The following ALPL variants were observed in gnomAD, a reference collection of about 807,000 sequenced individuals.
The protein encoded by ALPL is alkaline phosphatase, biomineralization associated.
Under a neutral mutation model 51.3 loss-of-function variants are expected in ALPL, and 42 were observed. That is an observed-to-expected ratio of 0.82 (90% confidence interval 0.64 to 1.06). The LOEUF (loss-of-function observed/expected upper bound fraction) is 1.06, where lower values mean the gene tolerates loss of function less well. ALPL is among the 50% of genes least tolerant of loss of function. The pLI is 0.00. For synonymous variants in ALPL, 279 were observed against 296.4 expected (o/e 0.94, Z 0.60); for missense variants, 589 against 709.4 (o/e 0.83, Z 1.93).
intron 6 of ALPL, 74 bp from the exon 7 acceptor site, chr1:21,568,030 G>C: frequency 6.2e-7 from 1 of 1,607,090 alleles, no homozygotes; most frequent in South Asian, 1.1e-5. Context: ...AGGAGTCCAG[G>C]TTCCAAGCCG....
At chr1:21,547,714 C>T (rs1393071070) in intron 1 of ALPL, among the ~76,000 whole-genome samples, 5 of 152,336 alleles carry the variant, frequency 3.3e-5, no homozygotes, top group Non-Finnish European at 5.9e-5. Context: ...GGCGCATAGT[C>T]GAAGACTAGC....
rs115049756 is a variant in ALPL at position 21,510,174 on chromosome 1, A to G, written c.-105+657A>G. ...GCCGAAGGAGCCTGCCGCCCCCTTT[A>G]GGCTTTGCGAGGTGGGCCTCCCAGG... On this transcript the variant is annotated intron_variant, in intron 1 of 11. Transcript: ENST00000374840. 3.2e-3 allele frequency among the ~76,000 whole-genome samples: 487 copies of G among 152,258 alleles called. 7 individuals carry two copies. The highest frequency in any genetic ancestry group is 0.012 in the African/African-American group (480 of 41,544).
At chr1:21,555,015 G>A (rs1452175072) in intron 2 of ALPL, among the ~76,000 whole-genome samples, 1 of 151,596 alleles carries the variant, frequency 6.6e-6, no homozygotes, top group Non-Finnish European at 1.5e-5. Context: ...TGAGCAACAA[G>A]GCTGTTTATT....
At chr1:21,574,141 C>A (rs960943826) in intron 9 of ALPL, 59 of 985,376 alleles carry the variant, frequency 6.0e-5, no homozygotes, top group Non-Finnish European at 6.7e-5. Context: ...AATCCGCAGG[C>A]CCCGGCTTTC....
At chr1:21,558,271 C>A (rs1222564753) in intron 2 of ALPL, among the ~76,000 whole-genome samples, 1 of 152,190 alleles carries the variant, frequency 6.6e-6, no homozygotes, top group African/African-American at 2.4e-5. Flanking sequence ...AGGTGTGGGG[C>A]GGGCTGATGT....
chr1:21,554,372 C>T (rs1025807274), intron 2 of ALPL, among the ~76,000 whole-genome samples: 30 of 146,478 alleles, frequency 2.0e-4, no homozygotes, highest in Middle Eastern at 7.1e-3. Flanking sequence ...TATATATATA[C>T]AAGGAAAATA....
At chr1:21,528,005 T>TTTTTCTG (rs1643971432) in intron 1 of ALPL, among the ~76,000 whole-genome samples, 1 of 102,998 alleles carries the variant, frequency 9.7e-6, no homozygotes, top group Non-Finnish European at 2.1e-5. Context: ...GTACGTGTTT[T>TTTTTCTG]TTTTTTTTTT....
intron 1 of ALPL, among the ~76,000 whole-genome samples, chr1:21,535,784 T>G (rs2148100297): frequency 6.6e-6 from 1 of 152,254 alleles, no homozygotes; most frequent in Middle Eastern, 3.4e-3. Flanking sequence ...AAAGAAATGA[T>G]AGCCTCAGCC....
At chr1:21,568,364 C>T in intron 7 of ALPL, 117 bp downstream of exon 7, 1 of 1,412,322 alleles carries the variant, frequency 7.1e-7, no homozygotes, top group South Asian at 1.3e-5. Flanking sequence ...AATCTTTCCT[C>T]CATGGGCTCA....
rs376685446 is a variant in ALPL, at chr1:21,543,818, G to A, written c.-104-10160G>A. On this transcript the variant is annotated intron_variant, in intron 1 of 11. Transcript: ENST00000374840. ...TCCCTAAGGGCAAATACCTGACCCT[G>A]TGAGTCCTGCCAGGTACAAGCTGGG... 3.9e-5 allele frequency among the ~76,000 whole-genome samples: 6 copies of A among 152,318 alleles called. No homozygotes were observed. The East Asian group carries it at 7.7e-4, about 20-fold the overall frequency.
At chr1:21,512,887 G>A (rs1643719063) in intron 1 of ALPL, among the ~76,000 whole-genome samples, 1 of 152,102 alleles carries the variant, frequency 6.6e-6, no homozygotes, top group Admixed American at 6.5e-5. Flanking sequence ...GAGAGTAGGG[G>A]GTTAGGGAGG....
chr1:21,577,958 G>T lies in ALPL; in HGVS notation c.*310G>T, dbSNP rs1304758906. 5.9e-6 allele frequency: 3 copies of T among 506,132 alleles called. No individual in the cohort carries two copies. The highest frequency in any genetic ancestry group is 3.4e-5 in the East Asian group (1 of 29,706). The allele number at this position is 506,132 out of a possible 1,614,324, so 31.4% of individuals were successfully genotyped here. On this transcript the variant is annotated 3_prime_UTR_variant, in exon 12 of 12. Coordinates refer to ENST00000374840, the MANE Select transcript of ALPL (RefSeq NM_000478.6). The stretch of plus-strand genomic sequence containing the variant: ...AAAGCCTCTTATTTTTCTAGCGAAC[G>T]TATTTCTCCAGACCCAGAGGCCCTG...
intron 7 of ALPL, among the ~76,000 whole-genome samples, chr1:21,568,952 G>T (rs1003799252): frequency 3.3e-5 from 5 of 152,174 alleles, no homozygotes; most frequent in African/African-American, 1.2e-4. Flanking sequence ...GGGCAGCTGG[G>T]GTCTGGAAAT....
chr1:21,516,676 T>C (rs1410624292), intron 1 of ALPL, among the ~76,000 whole-genome samples: 1 of 152,186 alleles, frequency 6.6e-6, no homozygotes, highest in Non-Finnish European at 1.5e-5. Flanking sequence ...CCTAGAAGAG[T>C]CAGTTCCCTA....
At chr1:21,544,462 G>T (rs190746449) in intron 1 of ALPL, among the ~76,000 whole-genome samples, 4 of 152,354 alleles carry the variant, frequency 2.6e-5, no homozygotes, top group Admixed American at 6.5e-5. Flanking sequence ...AAAATTATGA[G>T]CTGGGCGTGG....
Position 21,568,230 on chromosome 1 carries a change from T to C in ALPL, c.775T>C (p.Phe259Leu), listed in dbSNP as rs1644595418. 2.5e-6 allele frequency: 4 copies of C among 1,613,888 alleles called. No individual in the cohort carries two copies. The highest frequency in any genetic ancestry group is 1.1e-5 in the South Asian group (1 of 91,066). Reference sequence around the variant, plus strand: ...GGACCTCGTTGACACCTGGAAGAGCTTCAAACCGAGATACAAGGTAGCCTG... The same window carrying C: ...GGACCTCGTTGACACCTGGAAGAGCCTCAAACCGAGATACAAGGTAGCCTG... ...GLDLVDTWKS[F>L]KPRYKHSHFI... The change falls in exon 7 of 12, where the codon TTC becomes CTC. Residue 259 changes from phenylalanine to leucine, a missense_variant. Physicochemically the swap from Phe to Leu is conservative, Grantham distance 22. Coordinates refer to ENST00000374840, the MANE Select transcript of ALPL (RefSeq NM_000478.6).
At chr1:21,510,084 G>T (rs1643652485) in intron 1 of ALPL, among the ~76,000 whole-genome samples, 1 of 152,124 alleles carries the variant, frequency 6.6e-6, no homozygotes, top group Non-Finnish European at 1.5e-5. Context: ...ACCCGCGTGG[G>T]TGTCAAAGTG....
Position 21,554,113 on chromosome 1 carries a change from G to T in ALPL, c.32G>T (p.Gly11Val). 1.9e-6 allele frequency: 3 copies of T among 1,613,490 alleles called. No individual in the cohort carries two copies. Among genetic ancestry groups the T allele is most frequent in the Non-Finnish European group, 2.5e-6 (3 of 1,179,774 alleles). Reference protein sequence around the residue: MISPFLVLAIGTCLTNSLVPE... With the variant: MISPFLVLAIVTCLTNSLVPE... ...TCACCATTCTTAGTACTGGCCATTG[G>T]CACCTGCCTTACTAACTCCTTAGTG... The change falls in exon 2 of 12, where the codon GGC becomes GTC. Residue 11 changes from glycine (G) to valine (V), a missense_variant. Physicochemically the swap from Gly to Val is moderately radical, Grantham distance 109. Transcript: ENST00000374840.
chr1:21,541,872 T>TG (rs1644191203), intron 1 of ALPL, among the ~76,000 whole-genome samples: 1 of 152,178 alleles, frequency 6.6e-6, no homozygotes, highest in Non-Finnish European at 1.5e-5. Flanking sequence ...ACCAGGCCTC[T>TG]GGGGTACTTC....
Sources: gnomAD v4.1 joint callset for allele counts (sites outside exome capture counted in the v4.1 genomes callset) on GRCh38, gnomAD v4.1.1 for gene constraint, MANE v1.5 for transcripts, NCBI Gene and HGNC (gene_info 2026-07-23, HGNC 2026-07-21) for gene names.